The following CACNG4 variants were observed in gnomAD, a reference collection of about 807,000 sequenced individuals.
CACNG4 encodes calcium voltage-gated channel auxiliary subunit gamma 4, also known as voltage-dependent calcium channel gamma-4 subunit.
In CACNG4, 8 loss-of-function variants were observed where a neutral mutation model predicts 22.9. That is an observed-to-expected ratio of 0.35 (90% CI 0.21 to 0.63). CACNG4 has a LOEUF of 0.63. Among genes scored for constraint, CACNG4 ranks in the 30% least tolerant of loss-of-function variants. The pLI, the probability that CACNG4 is intolerant of heterozygous loss-of-function variation, is 0.72. For missense variants in CACNG4, 357 were observed against 455.4 expected (o/e 0.78, Z 1.97); for synonymous variants, 188 against 191.9 (o/e 0.98, Z 0.17).
intron 1 of CACNG4, among the ~76,000 whole-genome samples, chr17:66,998,167 A>C (rs879051736): frequency 6.6e-6 from 1 of 152,284 alleles, no homozygotes; most frequent in African/African-American, 2.4e-5. Flanking sequence ...TGAGGCCCCC[A>C]ATCTGAAGCA....
At chr17:67,007,986 C>T (rs144193692) in intron 1 of CACNG4, among the ~76,000 whole-genome samples, 36 of 152,262 alleles carry the variant, frequency 2.4e-4, no homozygotes, top group African/African-American at 7.7e-4. Context: ...CATTGGACAA[C>T]TGGGTCACAG....
Position 67,018,221 on chromosome 17 carries a change from C to A in CACNG4, c.253C>A (p.His85Asn). The change falls in exon 2 of 4, where the codon CAC becomes AAC. Residue 85 changes from histidine to asparagine, a missense_variant. Coordinates refer to ENST00000262138, the MANE Select transcript of CACNG4 (RefSeq NM_014405.4). ...IYKGHCFRIN[H>N]FPEDNDYDHD... ...TAAAGGGCACTGCTTCCGGATCAAT[C>A]ACTTCCCAGAGGACAATGACTACGA... 1 of 1,614,122 alleles carries A rather than the reference C, an allele frequency of 6.2e-7. No individual in the cohort carries two copies. The highest frequency in any genetic ancestry group is 8.5e-7 in the Non-Finnish European group (1 of 1,179,954).
At chr17:67,003,684 G>A (rs921764032) in intron 1 of CACNG4, among the ~76,000 whole-genome samples, 1 of 152,178 alleles carries the variant, frequency 6.6e-6, no homozygotes, top group Non-Finnish European at 1.5e-5. Flanking sequence ...ACCCCAAGTT[G>A]TGACAATCAC....
Position 67,031,053 on chromosome 17 carries a change from T to G in CACNG4, c.*49T>G. The G allele has an allele frequency of 1.0e-5, 16 of 1,553,440 alleles. No individual in the cohort carries two copies. Among genetic ancestry groups the G allele is most frequent in the Non-Finnish European group, 1.2e-5 (14 of 1,145,328 alleles). ...CCAGCCTCTCCCCAGAACGGCTCTT[T>G]TTGTCACACAGGATGGCATGTGATC... On this transcript the variant is annotated 3_prime_UTR_variant, in exon 4 of 4. Transcript: ENST00000262138. The surrounding 1 kb of genome is among the most constrained non-coding windows in gnomAD (Gnocchi z 4.0).
rs2035296506 is a variant in CACNG4, at chr17:66,984,897, C to T, written c.220+19766C>T. Reference sequence around the variant, plus strand: ...TTACCAGGCTGGGAGTCTGTGCTGACAACAAGCCCAGTGTCATTCTGCTCA... The same window carrying T: ...TTACCAGGCTGGGAGTCTGTGCTGATAACAAGCCCAGTGTCATTCTGCTCA... On this transcript the variant is annotated intron_variant, in intron 1 of 3. Transcript: ENST00000262138. The surrounding 1 kb of genome is among the most constrained non-coding windows in gnomAD (Gnocchi z 4.0). Among the ~76,000 whole-genome samples, 2 of 152,184 alleles carry T rather than the reference C, an allele frequency of 1.3e-5. No homozygotes were observed. Among genetic ancestry groups the T allele is most frequent in the Admixed American group, 1.3e-4 (2 of 15,276 alleles).
At chr17:66,993,709 G>A (rs889037137) in intron 1 of CACNG4, among the ~76,000 whole-genome samples, 12 of 152,128 alleles carry the variant, frequency 7.9e-5, no homozygotes, top group African/African-American at 1.9e-4. Context: ...GGGTTCAAGC[G>A]ATTCTCCTGC....
At position 67,027,746 on chromosome 17, in the gene CACNG4, C is replaced by T. The variant is rs1410567677; in HGVS notation, c.446-2720C>T. On this transcript the variant is annotated intron_variant, in intron 3 of 3. Coordinates refer to ENST00000262138, the MANE Select transcript of CACNG4 (RefSeq NM_014405.4). The surrounding 1 kb of genome is among the most constrained non-coding windows in gnomAD (Gnocchi z 4.3). ...ATCAGAGGGGAGACAGGTGAACTAG[C>T]GGTGGCTCATGCCTGTAATCCCAGC... Among the ~76,000 whole-genome samples, 2 of 152,156 alleles carry T rather than the reference C, an allele frequency of 1.3e-5. No individual in the cohort carries two copies. Among genetic ancestry groups the T allele is most frequent in the South Asian group, 2.1e-4 (1 of 4,824 alleles).
Position 67,031,823 on chromosome 17 carries a change from G to A in CACNG4, c.*819G>A, listed in dbSNP as rs919892406. ...AATGGCGGCCACGTGACCTCTTGCCGTGCCCCTTGTCATAGACCCAAGGAG... is the reference window on the plus strand; with the variant it reads ...AATGGCGGCCACGTGACCTCTTGCCATGCCCCTTGTCATAGACCCAAGGAG... On this transcript the variant is annotated 3_prime_UTR_variant, in exon 4 of 4. Transcript: ENST00000262138. This position sits in a 1 kb window ranked among gnomAD's most constrained non-coding sequence, Gnocchi z 4.0. 23 of 456,668 alleles carry A rather than the reference G, an allele frequency of 5.0e-5. No individual in the cohort carries two copies. The highest frequency in any genetic ancestry group is 3.1e-4 in the Admixed American group (13 of 42,580). 28.3% of individuals were successfully genotyped at this position (456,668 alleles called of 1,614,324 possible).
At chr17:66,990,647 CTTATTTTATTTTATTTTATT>C (rs59079283) in intron 1 of CACNG4, among the ~76,000 whole-genome samples, 139 of 148,624 alleles carry the variant, frequency 9.4e-4, no homozygotes, top group African/African-American at 3.2e-3. Context: ...TCTAAGTCTC[CTTATTTTATTTTATTTTATT>C]TTATTTTATT....
chr17:66,989,329 A>G (rs2035324889), intron 1 of CACNG4, among the ~76,000 whole-genome samples: 1 of 151,506 alleles, frequency 6.6e-6, no homozygotes, highest in African/African-American at 2.4e-5. Context: ...CTTATAAAAA[A>G]AAAAGGAGAA....
chr17:67,018,761 G>C (rs2035515336), intron 2 of CACNG4, among the ~76,000 whole-genome samples: 2 of 152,156 alleles, frequency 1.3e-5, no homozygotes, highest in Middle Eastern at 3.2e-3. Flanking sequence ...GCCTCTTGGG[G>C]TGCTGGGAGA....
intron 1 of CACNG4, among the ~76,000 whole-genome samples, chr17:67,002,679 A>G (rs1327268466): frequency 6.6e-6 from 1 of 151,962 alleles, no homozygotes; most frequent in African/African-American, 2.4e-5. Flanking sequence ...GCAGGGAATC[A>G]TAGCAGTGAC....
chr17:66,997,465 G>A (rs1406092267), intron 1 of CACNG4, among the ~76,000 whole-genome samples: 1 of 152,158 alleles, frequency 6.6e-6, no homozygotes, highest in Non-Finnish European at 1.5e-5. Flanking sequence ...GGACTTCTAG[G>A]TGGAGATGTC....
At chr17:66,995,926 AG>A (rs1327468956) in intron 1 of CACNG4, among the ~76,000 whole-genome samples, 4 of 152,128 alleles carry the variant, frequency 2.6e-5, no homozygotes, top group African/African-American at 7.2e-5. Context: ...CCTATTTGTG[AG>A]GGGGTGATTT....
Position 67,031,708 on chromosome 17 carries a change from T to C in CACNG4, c.*704T>C. 2.2e-6 allele frequency: 1 copy of C among 456,702 alleles called. No individual in the cohort carries two copies. The highest frequency in any genetic ancestry group is 4.4e-6 in the Non-Finnish European group (1 of 226,962). 28.3% of individuals were successfully genotyped at this position (456,702 alleles called of 1,614,324 possible). On this transcript the variant is annotated 3_prime_UTR_variant, in exon 4 of 4. Transcript: ENST00000262138. The surrounding 1 kb of genome is among the most constrained non-coding windows in gnomAD (Gnocchi z 4.0). ...TGGGGGCTGTTGCTGGCTATCCTCT[T>C]TGCTTCTGGAAGTTTCTGCCTCACT...
At chr17:66,987,858 C>T (rs372677871) in intron 1 of CACNG4, among the ~76,000 whole-genome samples, 2 of 152,036 alleles carry the variant, frequency 1.3e-5, no homozygotes, top group Non-Finnish European at 1.5e-5. Flanking sequence ...GCGATCTCAG[C>T]GGTGCATTCA....
intron 2 of CACNG4, among the ~76,000 whole-genome samples, chr17:67,022,524 C>T (rs928473984): frequency 2.0e-5 from 3 of 152,184 alleles, no homozygotes; most frequent in South Asian, 4.1e-4. Context: ...GAGGAGGCAC[C>T]GGAGAGAAGA....
intron 1 of CACNG4, among the ~76,000 whole-genome samples, chr17:67,004,361 G>A (rs113690426): frequency 4.6e-5 from 7 of 152,322 alleles, no homozygotes; most frequent in African/African-American, 1.7e-4. Context: ...CTGGAACAAA[G>A]TGTTGGAGGA....
intron 1 of CACNG4, among the ~76,000 whole-genome samples, chr17:66,996,651 G>T (rs1166405414): frequency 1.3e-5 from 2 of 152,156 alleles, no homozygotes; most frequent in African/African-American, 4.8e-5. Flanking sequence ...AAAGTGCTGG[G>T]ATTATGGGCA....
Sources: allele counts gnomAD v4.1 joint callset (sites outside exome capture counted in the v4.1 genomes callset), GRCh38; gene constraint gnomAD v4.1.1; non-coding constraint Gnocchi (gnomAD v3.1); transcripts MANE v1.5; gene names NCBI Gene and HGNC (gene_info 2026-07-23, HGNC 2026-07-21).